UNC5D: variants seen among roughly 807,000 people sequenced by gnomAD.
UNC5D encodes the protein netrin receptor UNC5D.
UNC5D carries 39 observed loss-of-function variants against 105.4 expected under a neutral mutation model. The observed-to-expected ratio is 0.37, with a 90% CI of 0.29 to 0.48. The LOEUF is 0.48. Ranked by LOEUF, UNC5D falls within the 20% of genes least tolerant of loss-of-function variation. UNC5D has a pLI of 0.98. For synonymous variants in UNC5D, 452 were observed against 450.4 expected, an observed-to-expected ratio of 1.00 and a Z score of -0.04; for missense variants, 991 against 1,202.4, an observed-to-expected ratio of 0.82 and a Z score of 2.60.
At chr8:35,330,183 C>T (rs1195490241) in intron 1 of UNC5D, among the ~76,000 whole-genome samples, 4 of 152,166 alleles carry the variant, frequency 2.6e-5, no homozygotes, top group Admixed American at 1.3e-4. Context: ...AGGTCCTTAA[C>T]CTTAGTACAT....
chr8:35,675,539 G>GAT (rs1246851984), intron 4 of UNC5D, among the ~76,000 whole-genome samples: 1 of 152,140 alleles, frequency 6.6e-6, no homozygotes, highest in Non-Finnish European at 1.5e-5. Flanking sequence ...AACTCCATTT[G>GAT]ATACTGAGTC....
At chr8:35,628,452 G>A (rs1172309498) in intron 4 of UNC5D, among the ~76,000 whole-genome samples, 2 of 152,102 alleles carry the variant, frequency 1.3e-5, no homozygotes, top group Non-Finnish European at 2.9e-5. Flanking sequence ...CCTTTTTAAT[G>A]TTAAGATGTC....
At chr8:35,771,549 A>T (rs1802013506) in intron 15 of UNC5D, among the ~76,000 whole-genome samples, 1 of 152,228 alleles carries the variant, frequency 6.6e-6, no homozygotes, top group South Asian at 2.1e-4. Context: ...AAAATGATGT[A>T]TCTTGTAACC....
intron 4 of UNC5D, among the ~76,000 whole-genome samples, chr8:35,628,800 T>A (rs1821854084): frequency 6.6e-6 from 1 of 152,214 alleles, no homozygotes; most frequent in African/African-American, 2.4e-5. Flanking sequence ...TTACTCTCAG[T>A]GATACACTAA....
chr8:35,321,472 TCTG>T, intron 1 of UNC5D, among the ~76,000 whole-genome samples: 2 of 152,254 alleles, frequency 1.3e-5, no homozygotes, highest in Middle Eastern at 3.4e-3. Flanking sequence ...GTTTATTCCT[TCTG>T]CTGCCTTGTG....
At chr8:35,298,541 A>G (rs916458766) in intron 1 of UNC5D, among the ~76,000 whole-genome samples, 5 of 151,244 alleles carry the variant, frequency 3.3e-5, no homozygotes, top group African/African-American at 1.2e-4. Flanking sequence ...CTTTGTCAGA[A>G]TAGAGATTGA....
Position 35,792,730 on chromosome 8 carries a change from G to A in UNC5D, c.*2167G>A, listed in dbSNP as rs913366797. 4.6e-5 allele frequency: 12 copies of A among 263,642 alleles called. No homozygotes were observed. The highest frequency in any genetic ancestry group is 7.4e-5 in the Non-Finnish European group (10 of 135,974). The allele number at this position is 263,642 out of a possible 1,614,324, so 16.3% of individuals were successfully genotyped here. ...AGAGCTTATGTTGGAATCCATCTTGGAGGATTTTTGTTTTAAACTGTCTTT... is the reference window on the plus strand; with the variant it reads ...AGAGCTTATGTTGGAATCCATCTTGAAGGATTTTTGTTTTAAACTGTCTTT... On this transcript the variant is annotated 3_prime_UTR_variant, in exon 17 of 17. Coordinates refer to ENST00000404895, the MANE Select transcript of UNC5D (RefSeq NM_080872.4).
At chr8:35,253,456 A>C (rs1338382290) in intron 1 of UNC5D, among the ~76,000 whole-genome samples, 1 of 129,284 alleles carries the variant, frequency 7.7e-6, no homozygotes, top group African/African-American at 2.9e-5. Flanking sequence ...TAGAGTTTGG[A>C]GTAGAGATTT....
Position 35,549,281 on chromosome 8 carries a change from TGA to T in UNC5D, c.104-10_104-9del, listed in dbSNP as rs1255316572. ...GTAGGCTGTGTTCTGATGTCTTTTT[TGA>T]TTTCACAGGAACTGACAATGGCGAA... On this transcript the variant is annotated splice_polypyrimidine_tract_variant and intron_variant, in intron 1 of 16. Coordinates refer to ENST00000404895, the MANE Select transcript of UNC5D (RefSeq NM_080872.4). The T allele has an allele frequency of 1.9e-6, 3 of 1,612,558 alleles. No individual in the cohort carries two copies. The highest frequency in any genetic ancestry group is 2.1e-4 in the Middle Eastern group (1 of 4,870).
intron 2 of UNC5D, among the ~76,000 whole-genome samples, chr8:35,567,592 C>T (rs561458433): frequency 6.6e-6 from 1 of 152,306 alleles, no homozygotes; most frequent in South Asian, 2.1e-4. Context: ...CCGATGCCTT[C>T]GTCCTTCCTC....
At chr8:35,611,290 C>T (rs1448003348) in intron 4 of UNC5D, among the ~76,000 whole-genome samples, 3 of 152,092 alleles carry the variant, frequency 2.0e-5, no homozygotes, top group African/African-American at 4.8e-5. Flanking sequence ...CAAACATTGC[C>T]CTCTCTTCTT....
intron 4 of UNC5D, among the ~76,000 whole-genome samples, chr8:35,664,711 C>A (rs2131248718): frequency 6.6e-6 from 1 of 152,206 alleles, no homozygotes; most frequent in East Asian, 1.9e-4. Flanking sequence ...TCCCACATTA[C>A]CTCAACAATG....
intron 1 of UNC5D, among the ~76,000 whole-genome samples, chr8:35,442,900 TCTCTCA>T (rs1331907723): frequency 2.2e-5 from 3 of 135,140 alleles, no homozygotes; most frequent in African/African-American, 9.1e-5. Context: ...TCTCTCTCTC[TCTCTCA>T]CACACACACA....
chr8:35,544,536 G>A (rs1003235836), intron 1 of UNC5D: 1 of 1,604,660 alleles, frequency 6.2e-7, no homozygotes, highest in South Asian at 1.1e-5. Flanking sequence ...ACTTCACCAG[G>A]TAAGGCAGGA....
chr8:35,440,706 G>A (rs1326968621), intron 1 of UNC5D, among the ~76,000 whole-genome samples: 1 of 151,924 alleles, frequency 6.6e-6, no homozygotes, highest in Non-Finnish European at 1.5e-5. Flanking sequence ...AATACATATG[G>A]AAGCGCTGTG....
intron 1 of UNC5D, among the ~76,000 whole-genome samples, chr8:35,396,468 A>G (rs1374966295): frequency 6.6e-6 from 1 of 150,960 alleles, no homozygotes; most frequent in Non-Finnish European, 1.5e-5. Context: ...CTCCTTAGCG[A>G]CTCAGAACTG....
At position 35,684,855 on chromosome 8, in the gene UNC5D, T is replaced by A. The variant is rs1825899971; in HGVS notation, c.919+106T>A. On this transcript the variant is annotated intron_variant, in intron 6 of 16. Transcript: ENST00000404895. ...TTTTCCAAAGTTACCCTCTCCCAAG[T>A]TCTTAGAATAGAACATTTATCCAAG... 2.9e-6 allele frequency: 4 copies of A among 1,380,918 alleles called. No individual in the cohort carries two copies. In the African/African-American group the frequency reaches 5.8e-5, roughly 20 times the overall value. 85.5% of individuals were successfully genotyped at this position (1,380,918 alleles called of 1,614,324 possible).
At chr8:35,710,763 G>A (rs1442103069) in intron 8 of UNC5D, among the ~76,000 whole-genome samples, 1 of 152,036 alleles carries the variant, frequency 6.6e-6, no homozygotes, top group Admixed American at 6.6e-5. Flanking sequence ...GGAAAATGGT[G>A]TCCCAGAAGA....
intron 1 of UNC5D, among the ~76,000 whole-genome samples, chr8:35,264,585 C>G (rs1435229660): frequency 1.3e-5 from 2 of 151,970 alleles, no homozygotes; most frequent in African/African-American, 4.8e-5. Flanking sequence ...AAAATTATAG[C>G]CAGGTGTGGT....
Sources: allele counts gnomAD v4.1 joint callset (sites outside exome capture counted in the v4.1 genomes callset), GRCh38; gene constraint gnomAD v4.1.1; transcripts MANE v1.5; gene names NCBI Gene and HGNC (gene_info 2026-07-23, HGNC 2026-07-21).